Variants in CIB3 observed in about 807,000 individuals in gnomAD.
The protein encoded by CIB3 is calcium and integrin binding family member 3.
In CIB3, 22 loss-of-function variants were observed where a neutral mutation model predicts 23.4. The observed-to-expected ratio is 0.94, with a 90% CI of 0.67 to 1.34. CIB3 has a LOEUF of 1.34. CIB3 is among the 40% of genes most tolerant of loss of function. The probability of loss-of-function intolerance (pLI) is 0.00; values close to 1 mark genes in which losing one functional copy is unlikely to be tolerated. For missense variants in CIB3, 258 were observed against 247.3 expected (o/e 1.04, Z -0.29); for synonymous variants, 93 against 95.8 (o/e 0.97, Z 0.17).
At chr19:16,169,571 A>T (rs1464725966) in intron 3 of CIB3, 59 bp downstream of exon 3, 1 of 1,441,352 alleles carries the variant, frequency 6.9e-7, no homozygotes, top group Non-Finnish European at 9.6e-7. Flanking sequence ...CCTCAGAGGA[A>T]TGCAACGAGA....
intron 2 of CIB3, among the ~76,000 whole-genome samples, 183 bp downstream of exon 2, chr19:16,172,979 A>T (rs2091334929): frequency 7.0e-6 from 1 of 142,288 alleles, no homozygotes; most frequent in Non-Finnish European, 1.5e-5. Context: ...GGAAGGAAGG[A>T]AGGAAGGGAG....
At chr19:16,168,084 T>TGC in intron 4 of CIB3, 53 bp downstream of exon 4, 3 of 1,540,702 alleles carry the variant, frequency 1.9e-6, no homozygotes, top group Non-Finnish European at 2.6e-6. Context: ...CCCACCCAGT[T>TGC]CCCACTCCCC....
chr19:16,164,575 C>T, intron 5 of CIB3, 143 bp downstream of exon 5: 3 of 795,762 alleles, frequency 3.8e-6, no homozygotes, highest in Admixed American at 5.5e-5. Context: ...GATGCAGGGA[C>T]TGAGACTAGG....
At chr19:16,165,215 C>T (rs554801684) in intron 4 of CIB3, among the ~76,000 whole-genome samples, 2 of 149,982 alleles carry the variant, frequency 1.3e-5, no homozygotes, top group Non-Finnish European at 3.0e-5. Context: ...ATCACTTGAG[C>T]CCGGGAGGTG....
At chr19:16,170,001 G>T (rs1219546658) in intron 2 of CIB3, among the ~76,000 whole-genome samples, 1 of 152,076 alleles carries the variant, frequency 6.6e-6, no homozygotes, top group Non-Finnish European at 1.5e-5. Flanking sequence ...GGGGTTTCAT[G>T]TTGGTCAGGC....
chr19:16,165,427 A>G (rs1388233191), intron 4 of CIB3, among the ~76,000 whole-genome samples: 1 of 148,154 alleles, frequency 6.7e-6, no homozygotes, highest in Admixed American at 7.0e-5. Flanking sequence ...GTATTTATGC[A>G]ATGAATTTTT....
rs1367141688 is a variant in CIB3, at chr19:16,169,696, G to A, written c.132C>T (p.Leu44=). ...TCACATCGGGGCAGGTGGTATAGTC[G>A]AGGGGCACGAGCTGTGGGGCCAGGT... ...YQDLAPQLVP[L]DYTTCPDVKV... is the part of the protein sequence containing the mutation. Residue 44 remains leucine, a synonymous_variant, in exon 3 of 6, where the codon CTC becomes CTT. Coordinates refer to ENST00000269878, the MANE Select transcript of CIB3 (RefSeq NM_054113.4). 5.0e-6 allele frequency: 8 copies of A among 1,613,486 alleles called. No homozygotes were observed. Among genetic ancestry groups the A allele is most frequent in the South Asian group, 2.2e-5 (2 of 91,046 alleles).
chr19:16,173,119 A>C (rs1236081493), intron 2 of CIB3, 43 bp downstream of exon 2: 2 of 1,613,106 alleles, frequency 1.2e-6, no homozygotes, highest in African/African-American at 2.7e-5. Context: ...ATGAATAGAA[A>C]GTTGTTTTTC....
At chr19:16,163,782 T>C (rs967673363) in intron 5 of CIB3, among the ~76,000 whole-genome samples, 1 of 152,118 alleles carries the variant, frequency 6.6e-6, no homozygotes, top group Non-Finnish European at 1.5e-5. Context: ...GGCCAAATAG[T>C]TGATGTTTTC....
intron 5 of CIB3, among the ~76,000 whole-genome samples, chr19:16,162,512 G>T (rs2145075526): frequency 1.3e-5 from 2 of 152,268 alleles, no homozygotes; most frequent in South Asian, 4.1e-4. Context: ...AGCACTTTGG[G>T]AGGCCAAGAT....
chr19:16,173,418 C>T lies in CIB3; in HGVS notation c.51+7G>A, dbSNP rs146985412. 2.2e-3 allele frequency: 3,475 copies of T among 1,613,436 alleles called. 12 individuals are homozygous for T. The highest frequency in any genetic ancestry group is 6.6e-3 in the Middle Eastern group (40 of 6,060). ...ACCCACTGAGGACCCATCCTGCCCC[C>T]CTCTACCTGATACGCTTCCAGCTGC... On this transcript the variant is annotated splice_region_variant and intron_variant, in intron 1 of 5. Coordinates refer to ENST00000269878, the MANE Select transcript of CIB3 (RefSeq NM_054113.4).
At chr19:16,170,552 G>A (rs952114688) in intron 2 of CIB3, among the ~76,000 whole-genome samples, 3 of 152,228 alleles carry the variant, frequency 2.0e-5, no homozygotes, top group East Asian at 1.9e-4. Context: ...CGGATGCAGC[G>A]GCTCATGCCT....
chr19:16,161,592 A>T, intron 5 of CIB3, 106 bp from the exon 6 acceptor site: 1 of 1,199,216 alleles, frequency 8.3e-7, no homozygotes, highest in Non-Finnish European at 1.2e-6. Flanking sequence ...GGCAGGAAGG[A>T]TGCCACATGG....
intron 4 of CIB3, among the ~76,000 whole-genome samples, chr19:16,165,649 G>A (rs1318789682): frequency 6.6e-6 from 1 of 152,016 alleles, no homozygotes; most frequent in African/African-American, 2.4e-5. Context: ...CCCCATGTTG[G>A]CCAGGCTGGT....
chr19:16,162,615 G>A lies in CIB3; in HGVS notation c.543-1129C>T, dbSNP rs907684755. Among the ~76,000 whole-genome samples the A allele has an allele frequency of 6.6e-5, 10 of 152,070 alleles. No individual in the cohort carries two copies. In the South Asian group the frequency reaches 2.1e-3, roughly 32 times the overall value. ...AAAAAAATACAAAAATTAACCGGGC[G>A]TGGTGGCGGGCGCCTGTAATTCCAG... On this transcript the variant is annotated intron_variant, in intron 5 of 5. Transcript: ENST00000269878.
At chr19:16,168,663 C>T (rs2091315769) in intron 3 of CIB3, among the ~76,000 whole-genome samples, 1 of 152,152 alleles carries the variant, frequency 6.6e-6, no homozygotes, top group Admixed American at 6.6e-5. Context: ...GCTTGCAAAG[C>T]TCACAGAAGC....
intron 5 of CIB3, among the ~76,000 whole-genome samples, chr19:16,162,886 C>CTTTTTTT (rs373689760): frequency 7.8e-5 from 8 of 102,444 alleles, no homozygotes; most frequent in African/African-American, 1.5e-4. Flanking sequence ...CTTTTCTTTT[C>CTTTTTTT]TTTTTTTTTT....
Position 16,169,652 on chromosome 19 carries a change from A to G in CIB3, c.176T>C (p.Ile59Thr), listed in dbSNP as rs2091319720. 1.9e-6 allele frequency: 3 copies of G among 1,613,520 alleles called. No homozygotes were observed. Among genetic ancestry groups the G allele is most frequent in the South Asian group, 1.1e-5 (1 of 91,046 alleles). ...CPDVKVPYEL[I>T]GSMPELKDNP... ...TACCTTCAGCTCGGGCATGCTGCCA[A>G]TGAGCTCGTAGGGCACCTTCACATC... Residue 59 changes from isoleucine to threonine, a missense_variant, in exon 3 of 6, where the codon ATT becomes ACT. By Grantham distance (89) the Ile-to-Thr change is moderately conservative. Coordinates refer to ENST00000269878, the MANE Select transcript of CIB3 (RefSeq NM_054113.4).
At chr19:16,163,741 T>G (rs1296263742) in intron 5 of CIB3, among the ~76,000 whole-genome samples, 2 of 152,162 alleles carry the variant, frequency 1.3e-5, no homozygotes, top group Non-Finnish European at 2.9e-5. Context: ...CATATATTAA[T>G]TTGGGGTTCA....
Sources: allele counts gnomAD v4.1 joint callset (sites outside exome capture counted in the v4.1 genomes callset), GRCh38; gene constraint gnomAD v4.1.1; transcripts MANE v1.5; gene names NCBI Gene and HGNC (gene_info 2026-07-23, HGNC 2026-07-21).